The following KLHL1 variants were observed in gnomAD, a reference collection of about 807,000 sequenced individuals.
KLHL1 encodes kelch-like protein 1.
In KLHL1, 47 loss-of-function variants were observed where a neutral mutation model predicts 77.7. The observed-to-expected ratio is 0.60, with a 90% CI of 0.48 to 0.77. The LOEUF (loss-of-function observed/expected upper bound fraction) is 0.77. Among genes scored for constraint, KLHL1 ranks in the 30% least tolerant of loss-of-function variants. KLHL1 has a pLI of 0.00. For synonymous variants in KLHL1, 360 were observed against 325.2 expected, an observed-to-expected ratio of 1.11 and a Z score of -1.15; for missense variants, 925 against 910.8, an observed-to-expected ratio of 1.02 and a Z score of -0.20.
At chr13:69,839,547 C>A (rs1393026150) in intron 5 of KLHL1, among the ~76,000 whole-genome samples, 6 of 151,802 alleles carry the variant, frequency 4.0e-5, no homozygotes, top group Non-Finnish European at 1.5e-5. Context: ...CAAATTAAGC[C>A]ATTACAAGCT....
At chr13:70,022,695 G>T (rs1001152403) in intron 1 of KLHL1, among the ~76,000 whole-genome samples, 1 of 151,840 alleles carries the variant, frequency 6.6e-6, no homozygotes, top group African/African-American at 2.4e-5. Context: ...TGGGCTACAC[G>T]GTGAGGTTGG....
intron 7 of KLHL1, among the ~76,000 whole-genome samples, chr13:69,746,498 C>A (rs994532896): frequency 6.6e-6 from 1 of 151,936 alleles, no homozygotes; most frequent in African/African-American, 2.4e-5. Context: ...CTTTCGGTTA[C>A]AATGTGCTAA....
At chr13:69,939,344 T>TACATAC (rs1883283589) in intron 4 of KLHL1, among the ~76,000 whole-genome samples, 3 of 30,968 alleles carry the variant, frequency 9.7e-5, no homozygotes, top group Non-Finnish European at 1.8e-4. Context: ...TACATACATA[T>TACATAC]ATATATATAT....
intron 1 of KLHL1, among the ~76,000 whole-genome samples, chr13:70,082,984 A>T (rs1887433460): frequency 6.6e-6 from 1 of 152,200 alleles, no homozygotes; most frequent in Non-Finnish European, 1.5e-5. Context: ...GTAGGGAAGG[A>T]GGGGCCCAGG....
chr13:69,858,039 A>T (rs779532674), intron 5 of KLHL1, among the ~76,000 whole-genome samples: 9 of 152,086 alleles, frequency 5.9e-5, no homozygotes, highest in Non-Finnish European at 1.3e-4. Flanking sequence ...TGTTAGATAC[A>T]TCAGCAGAAG....
At chr13:69,822,375 C>T (rs74090470) in intron 6 of KLHL1, among the ~76,000 whole-genome samples, 14,523 of 151,896 alleles carry the variant, frequency 0.096, 1,409 homozygotes, top group African/African-American at 0.25. Context: ...TAATAATTTC[C>T]AATTATTGAA....
chr13:69,916,499 C>T (rs1173375593), intron 4 of KLHL1, among the ~76,000 whole-genome samples: 1 of 151,716 alleles, frequency 6.6e-6, no homozygotes, highest in Non-Finnish European at 1.5e-5. Flanking sequence ...GACAAAAAAC[C>T]AAACACCACA....
chr13:69,992,830 A>C (rs1885058660), intron 1 of KLHL1, among the ~76,000 whole-genome samples: 1 of 152,004 alleles, frequency 6.6e-6, no homozygotes, highest in Non-Finnish European at 1.5e-5. Flanking sequence ...TATAAAATGA[A>C]TTACTTAAAT....
chr13:69,899,855 A>G (rs1372940791), intron 4 of KLHL1, among the ~76,000 whole-genome samples: 1 of 152,132 alleles, frequency 6.6e-6, no homozygotes, highest in Non-Finnish European at 1.5e-5. Flanking sequence ...TCTGGTAGAC[A>G]GAATAATTTG....
At chr13:70,091,213 G>A (rs567434247) in intron 1 of KLHL1, among the ~76,000 whole-genome samples, 54 of 151,936 alleles carry the variant, frequency 3.6e-4, no homozygotes, top group Non-Finnish European at 5.4e-4. Flanking sequence ...GAGCTGGTTC[G>A]TCTTCACTCA....
chr13:69,748,863 A>AT (rs916854286), intron 7 of KLHL1, among the ~76,000 whole-genome samples: 7 of 152,048 alleles, frequency 4.6e-5, no homozygotes, highest in Admixed American at 3.3e-4. Flanking sequence ...AAAATATGTC[A>AT]TTACTCTCAA....
At chr13:70,001,725 T>C (rs1885298118) in intron 1 of KLHL1, among the ~76,000 whole-genome samples, 1 of 151,444 alleles carries the variant, frequency 6.6e-6, no homozygotes, top group African/African-American at 2.4e-5. Flanking sequence ...CTATCTTAAA[T>C]AGATCATATT....
intron 8 of KLHL1, among the ~76,000 whole-genome samples, chr13:69,734,300 C>T (rs148151066): frequency 0.011 from 1,662 of 152,192 alleles, 32 homozygotes; most frequent in African/African-American, 0.037. Flanking sequence ...TGAGGCCTCC[C>T]TAGAAGCTGT....
intron 6 of KLHL1, among the ~76,000 whole-genome samples, chr13:69,813,123 A>AC (rs934027746): frequency 1.1e-4 from 16 of 152,068 alleles, no homozygotes; most frequent in African/African-American, 3.4e-4. Context: ...GCACATATAC[A>AC]CCATGGAATA....
intron 7 of KLHL1, among the ~76,000 whole-genome samples, chr13:69,768,117 C>A (rs2058520275): frequency 6.6e-6 from 1 of 152,070 alleles, no homozygotes; most frequent in African/African-American, 2.4e-5. Context: ...TGTGGTAATA[C>A]CTAAATATTA....
At chr13:70,060,466 C>T (rs1886852777) in intron 1 of KLHL1, among the ~76,000 whole-genome samples, 1 of 151,906 alleles carries the variant, frequency 6.6e-6, no homozygotes, top group Non-Finnish European at 1.5e-5. Context: ...CCTGCCCTCC[C>T]ATGTTTATTG....
intron 1 of KLHL1, among the ~76,000 whole-genome samples, chr13:69,982,267 C>T (rs1344891644): frequency 6.6e-6 from 1 of 151,640 alleles, no homozygotes; most frequent in African/African-American, 2.4e-5. Flanking sequence ...AACCCTGTCT[C>T]TGCTAAAAAT....
chr13:69,875,412 T>C (rs997181419), intron 5 of KLHL1, among the ~76,000 whole-genome samples: 1 of 152,220 alleles, frequency 6.6e-6, no homozygotes, highest in Admixed American at 6.5e-5. Context: ...GAAGTGCTCA[T>C]TGCAGTAGTG....
chr13:69,971,346 C>T (rs984774710), intron 2 of KLHL1, among the ~76,000 whole-genome samples: 1 of 152,156 alleles, frequency 6.6e-6, no homozygotes, highest in East Asian at 1.9e-4. Context: ...TGTTATTCCT[C>T]TCCTCAAGAA....
Sources: allele counts gnomAD v4.1 joint callset (sites outside exome capture counted in the v4.1 genomes callset), GRCh38; gene constraint gnomAD v4.1.1; transcripts MANE v1.5; gene names NCBI Gene and HGNC (gene_info 2026-07-23, HGNC 2026-07-21).